Variants in SIRT5 observed in about 807,000 individuals in gnomAD.
SIRT5 encodes NAD-dependent protein deacylase sirtuin-5, mitochondrial.
In SIRT5, 26 loss-of-function variants were observed where a neutral mutation model predicts 40.0. That is an observed-to-expected ratio of 0.65 (90% CI 0.48 to 0.90). SIRT5 has a LOEUF of 0.90. Among genes scored for constraint, SIRT5 ranks in the 40% least tolerant of loss-of-function variants. SIRT5 has a pLI of 0.00. For synonymous variants in SIRT5, 146 were observed against 149.1 expected (o/e 0.98, Z 0.15); for missense variants, 401 against 402.4 (o/e 1.00, Z 0.03).
chr6:13,583,945 C>T (rs771018860), intron 2 of SIRT5, 131 bp from the exon 3 acceptor site: 10 of 401,664 alleles, frequency 2.5e-5, no homozygotes, highest in Admixed American at 4.0e-5. Flanking sequence ...TGTATGTGTG[C>T]GTGTGGGTAT....
At chr6:13,593,275 C>T (rs1449588234) in intron 5 of SIRT5, among the ~76,000 whole-genome samples, 3 of 152,036 alleles carry the variant, frequency 2.0e-5, no homozygotes, top group Non-Finnish European at 4.4e-5. Flanking sequence ...TTTGTTTTTG[C>T]GTGTGTGTGG....
intron 8 of SIRT5, among the ~76,000 whole-genome samples, chr6:13,599,758 T>C (rs1762118593): frequency 6.6e-6 from 1 of 152,250 alleles, no homozygotes; most frequent in Non-Finnish European, 1.5e-5. Flanking sequence ...AGAGATTGAA[T>C]GGCCTGCAAA....
chr6:13,588,399 A>G lies in SIRT5; in HGVS notation c.184A>G (p.Ser62Gly). The change falls in exon 4 of 10, where the codon AGT becomes GGT. Residue 62 changes from serine to glycine, a missense_variant. Coordinates refer to ENST00000606117, the MANE Select transcript of SIRT5 (RefSeq NM_012241.5). ...HIVIISGAGVSAESGVPTFRG... is the reference protein window; with the variant it reads ...HIVIISGAGVGAESGVPTFRG... ...AGTCATCATCTCAGGAGCTGGTGTT[A>G]GTGCAGAAAGTGGTGTTCCGACCTT... 6.2e-7 allele frequency: 1 copy of G among 1,614,250 alleles called. No individual in the cohort carries two copies. Among genetic ancestry groups the G allele is most frequent in the Non-Finnish European group, 8.5e-7 (1 of 1,180,042 alleles).
rs1764099742 is a variant in SIRT5 at position 13,613,354 on chromosome 6, A to G, written c.*1489A>G. ...GCTTTTTCCTTAACCTTTACCAGCT[A>G]ACTCAGTGCTTAGGGGCCTTGGAAT... On this transcript the variant is annotated 3_prime_UTR_variant, in exon 10 of 10. Coordinates refer to ENST00000606117, the MANE Select transcript of SIRT5 (RefSeq NM_012241.5). The G allele has an allele frequency of 6.6e-6, 1 of 152,216 alleles. No homozygotes were observed. Among genetic ancestry groups the G allele is most frequent in the South Asian group, 2.1e-4 (1 of 4,832 alleles). 9.4% of individuals were successfully genotyped at this position (152,216 alleles called of 1,614,324 possible).
rs114735948 is a variant in SIRT5 at position 13,602,179 on chromosome 6, T to A, written c.857+1230T>A. On this transcript the variant is annotated intron_variant, in intron 9 of 9. Coordinates refer to ENST00000606117, the MANE Select transcript of SIRT5 (RefSeq NM_012241.5). ...TGGCAATGCTCCCCAAATTGATCTA[T>A]GGGCTCAATCAACTCAGTCCCTATC... Among the ~76,000 whole-genome samples the A allele has an allele frequency of 9.1e-3, 1,389 of 152,310 alleles. 20 individuals carry two copies. Among genetic ancestry groups the A allele is most frequent in the African/African-American group, 0.03 (1,258 of 41,554 alleles).
At chr6:13,591,178 T>TTG (rs1179041164) in intron 4 of SIRT5, among the ~76,000 whole-genome samples, 1 of 151,036 alleles carries the variant, frequency 6.6e-6, no homozygotes, top group Non-Finnish European at 1.5e-5. Context: ...AGATGTGTAC[T>TTG]TGTGTGTGTG....
At position 13,596,982 on chromosome 6, in the gene SIRT5, C is replaced by G. The variant is rs1397854727; in HGVS notation, c.583C>G (p.Gln195Glu). 1 of 1,611,846 alleles carries G rather than the reference C, an allele frequency of 6.2e-7. No homozygotes were observed. The highest frequency in any genetic ancestry group is 1.1e-5 in the South Asian group (1 of 90,874). The change falls in exon 7 of 10, where the codon CAA (glutamine) becomes GAA (glutamate). Residue 195 changes from glutamine to glutamate, a missense_variant. Transcript: ENST00000606117. ...SGKGAPEPGT[Q>E]DASIPVEKLP... is the part of the protein sequence containing the mutation. ...CTTCAGTGCTCCAGAACCTGGAACTCAAGATGCCAGCATCCCAGTTGAGAA... is the reference window on the plus strand; with the variant it reads ...CTTCAGTGCTCCAGAACCTGGAACTGAAGATGCCAGCATCCCAGTTGAGAA...
intron 9 of SIRT5, among the ~76,000 whole-genome samples, chr6:13,606,980 CCTG>C (rs554498058): frequency 2.6e-4 from 39 of 151,110 alleles, no homozygotes; most frequent in Non-Finnish European, 4.7e-4. Flanking sequence ...ACACACTTGG[CCTG>C]CTTTTTTTTT....
At chr6:13,578,643 T>G (rs961247216) in intron 1 of SIRT5, among the ~76,000 whole-genome samples, 12 of 135,550 alleles carry the variant, frequency 8.9e-5, no homozygotes, top group Middle Eastern at 3.7e-3. Context: ...AAAAAGAAAA[T>G]AATTGGTATT....
intron 6 of SIRT5, among the ~76,000 whole-genome samples, chr6:13,595,856 G>T (rs748012937): frequency 1.4e-4 from 22 of 152,142 alleles, no homozygotes; most frequent in Non-Finnish European, 2.5e-4. Flanking sequence ...GCTGGGTGTG[G>T]TGGCACATGC....
chr6:13,611,357 T>C (rs1454256500), intron 9 of SIRT5, among the ~76,000 whole-genome samples: 1 of 151,452 alleles, frequency 6.6e-6, no homozygotes, highest in Non-Finnish European at 1.5e-5. Context: ...AAAACATATA[T>C]ATGTATATAA....
intron 2 of SIRT5, among the ~76,000 whole-genome samples, chr6:13,581,352 G>A (rs1759322168): frequency 1.3e-5 from 2 of 152,186 alleles, no homozygotes. Context: ...GCTGTAGAGT[G>A]TGTAGAACGC....
rs1159168466 is a variant in SIRT5, at chr6:13,611,961, A to G, written c.*96A>G. On this transcript the variant is annotated 3_prime_UTR_variant, in exon 10 of 10. Transcript: ENST00000606117. The stretch of plus-strand genomic sequence containing the variant: ...TGGGTGGTGAGCTGAGTACTGAACA[A>G]TCTAAAAATAGCCTCTGATTCCCTC... 2 of 1,127,542 alleles carry G rather than the reference A, an allele frequency of 1.8e-6. No homozygotes were observed. Among genetic ancestry groups the G allele is most frequent in the Non-Finnish European group, 2.6e-6 (2 of 774,974 alleles). The allele number at this position is 1,127,542 out of a possible 1,614,324, so 69.8% of individuals were successfully genotyped here. A position where few individuals can be genotyped will look rare whatever the true frequency, so the allele number is the denominator to read the frequency against.
intron 8 of SIRT5, among the ~76,000 whole-genome samples, chr6:13,599,594 C>A (rs1762097226): frequency 6.6e-6 from 1 of 152,328 alleles, no homozygotes; most frequent in Non-Finnish European, 1.5e-5. Flanking sequence ...TTCTTCTAGA[C>A]CCAGGAGTGA....
intron 7 of SIRT5, 136 bp downstream of exon 7, chr6:13,597,152 C>G: frequency 1.5e-6 from 1 of 656,232 alleles, no homozygotes; most frequent in Non-Finnish European, 2.6e-6. Flanking sequence ...CAGGCTTGAT[C>G]TCTGAGACCA....
intron 3 of SIRT5, among the ~76,000 whole-genome samples, chr6:13,586,574 C>G (rs1313552103): frequency 6.6e-6 from 1 of 152,140 alleles, no homozygotes; most frequent in Non-Finnish European, 1.5e-5. Flanking sequence ...ATTTCTGAGG[C>G]CTCTGTTCTG....
At chr6:13,575,181 C>T (rs1456387761) in intron 1 of SIRT5, among the ~76,000 whole-genome samples, 1 of 152,098 alleles carries the variant, frequency 6.6e-6, no homozygotes, top group African/African-American at 2.4e-5. Context: ...GAAGCTGCCT[C>T]TTGGACACAG....
intron 4 of SIRT5, among the ~76,000 whole-genome samples, chr6:13,588,870 T>A (rs1760431684): frequency 6.6e-6 from 1 of 152,188 alleles, no homozygotes; most frequent in South Asian, 2.1e-4. Context: ...ATTCAAAAAT[T>A]TATAGGAAGC....
intron 1 of SIRT5, among the ~76,000 whole-genome samples, chr6:13,575,217 C>G (rs1028908888): frequency 6.6e-6 from 1 of 152,038 alleles, no homozygotes; most frequent in East Asian, 1.9e-4. Context: ...TGCAGTCTGG[C>G]GCGCTGGGAG....
Sources: gnomAD v4.1 joint callset for allele counts (sites outside exome capture counted in the v4.1 genomes callset) on GRCh38, gnomAD v4.1.1 for gene constraint, MANE v1.5 for transcripts, NCBI Gene and HGNC (gene_info 2026-07-23, HGNC 2026-07-21) for gene names.